PROSER1: variants seen among roughly 807,000 people sequenced by gnomAD.
PROSER1 encodes proline and serine-rich protein 1.
Under a neutral mutation model 71.8 loss-of-function variants are expected in PROSER1, and 36 were observed. The ratio of observed to expected loss-of-function variants is 0.50; its 90% CI spans 0.38 to 0.66. The LOEUF (loss-of-function observed/expected upper bound fraction) is 0.66, where lower values mean the gene tolerates loss of function less well. PROSER1 is among the 30% of genes least tolerant of loss of function. The probability of loss-of-function intolerance (pLI) is 0.00; values close to 1 mark genes in which losing one functional copy is unlikely to be tolerated. For synonymous variants in PROSER1, 490 were observed against 452.4 expected (o/e 1.08, Z -1.06); for missense variants, 1,107 against 1,135.0 (o/e 0.98, Z 0.35).
At chr13:39,024,300 C>A (rs1870439232) in intron 7 of PROSER1, among the ~76,000 whole-genome samples, 173 bp downstream of exon 7, 1 of 152,100 alleles carries the variant, frequency 6.6e-6, no homozygotes, top group African/African-American at 2.4e-5. Context: ...CTCAAAGGGG[C>A]TCTTACTACT....
At chr13:39,014,510 T>C (rs1869915917) in intron 10 of PROSER1, 34 bp from the exon 11 acceptor site, 1 of 1,485,114 alleles carries the variant, frequency 6.7e-7, no homozygotes, top group African/African-American at 1.4e-5. Flanking sequence ...CAAGAATGTA[T>C]CATCATGCTG....
At chr13:39,027,513 T>C (rs1023040988) in intron 5 of PROSER1, among the ~76,000 whole-genome samples, 5 of 152,156 alleles carry the variant, frequency 3.3e-5, no homozygotes, top group African/African-American at 7.2e-5. Flanking sequence ...AATATGCATG[T>C]TGCCTTAAAG....
intron 4 of PROSER1, 64 bp from the exon 5 acceptor site, chr13:39,028,384 C>G: frequency 1.2e-6 from 1 of 856,720 alleles, no homozygotes; most frequent in Non-Finnish European, 1.9e-6. Context: ...GGTAAGCAAC[C>G]TTTGTTTACC....
intron 1 of PROSER1, 25 bp from the exon 2 acceptor site, chr13:39,034,221 C>A (rs778985118): frequency 3.3e-6 from 5 of 1,526,572 alleles, no homozygotes; most frequent in African/African-American, 2.8e-5. Context: ...CACACACACA[C>A]AGAGTAAAAC....
intron 5 of PROSER1, among the ~76,000 whole-genome samples, chr13:39,026,824 C>G (rs532439332): frequency 3.9e-5 from 6 of 152,222 alleles, no homozygotes; most frequent in African/African-American, 1.2e-4. Flanking sequence ...AAACAAGTAA[C>G]ATGACATTGG....
At chr13:39,022,909 A>G in intron 8 of PROSER1, 143 bp downstream of exon 8, 1 of 620,206 alleles carries the variant, frequency 1.6e-6, no homozygotes, top group Non-Finnish European at 2.9e-6. Context: ...GGACACTACT[A>G]GCTAACTATG....
intron 3 of PROSER1, among the ~76,000 whole-genome samples, chr13:39,030,674 T>G (rs1048860428): frequency 6.6e-6 from 1 of 152,096 alleles, no homozygotes; most frequent in African/African-American, 2.4e-5. Flanking sequence ...GCGATTCTCC[T>G]ATCTCAGCCT....
chr13:39,012,802 G>T lies in PROSER1; in HGVS notation c.2450C>A (p.Ala817Asp). 6.2e-7 allele frequency: 1 copy of T among 1,614,208 alleles called. No individual in the cohort carries two copies. The highest frequency in any genetic ancestry group is 8.5e-7 in the Non-Finnish European group (1 of 1,180,032). Residue 817 changes from alanine to aspartate, a missense_variant, in exon 11 of 13, where the codon GCT becomes GAT. Coordinates refer to ENST00000352251, the MANE Select transcript of PROSER1 (RefSeq NM_025138.5). ...PGLQAPSTVA[A>D]VTPLPVAATA... ...GGCAGCCACAGGTAGTGGTGTGACA[G>T]CTGCGACTGTAGAGGGCGCCTGCAG... is the stretch of plus-strand genomic sequence containing the variant.
chr13:39,027,142 G>C (rs1315440171), intron 5 of PROSER1, among the ~76,000 whole-genome samples: 2 of 151,748 alleles, frequency 1.3e-5, no homozygotes, highest in African/African-American at 4.8e-5. Flanking sequence ...ATTATATATT[G>C]GTTTTATAAA....
In PROSER1 at chr13:39,011,503, G is replaced by GCACA; in HGVS notation, c.2713-17_2713-16insTGTG. ...CTGAATGGACCTGATGGAAAGAAGA[G>GCACA]CGTGTGGTTTAGCAGAGTGCCAAGT... On this transcript the variant is annotated splice_polypyrimidine_tract_variant and intron_variant, in intron 12 of 12. Coordinates refer to ENST00000352251, the MANE Select transcript of PROSER1 (RefSeq NM_025138.5). The GCACA allele has an allele frequency of 1.2e-6, 2 of 1,612,982 alleles. No individual in the cohort carries two copies. The highest frequency in any genetic ancestry group is 1.7e-6 in the Non-Finnish European group (2 of 1,179,862).
At chr13:39,026,162 G>T (rs1870535322) in intron 6 of PROSER1, 115 bp downstream of exon 6, 2 of 639,446 alleles carry the variant, frequency 3.1e-6, no homozygotes, top group Non-Finnish European at 5.5e-6. Flanking sequence ...TCAGTGGTGA[G>T]CCTGTGAATT....
intron 5 of PROSER1, among the ~76,000 whole-genome samples, chr13:39,027,172 T>C (rs1427084328): frequency 6.8e-6 from 1 of 147,572 alleles, no homozygotes; most frequent in African/African-American, 2.7e-5. Context: ...AACACATATA[T>C]GTATATTAGC....
intron 1 of PROSER1, 86 bp from the exon 2 acceptor site, chr13:39,034,282 C>A: frequency 1.9e-6 from 2 of 1,062,102 alleles, no homozygotes; most frequent in South Asian, 1.9e-5. Context: ...CAAAACTGCC[C>A]AAGCAACTCA....
intron 10 of PROSER1, among the ~76,000 whole-genome samples, chr13:39,016,530 G>C (rs1457122879): frequency 2.6e-5 from 4 of 152,170 alleles, no homozygotes; most frequent in Non-Finnish European, 4.4e-5. Flanking sequence ...GTACAACATA[G>C]GAAAACAATA....
At chr13:39,027,064 T>C (rs1005215351) in intron 5 of PROSER1, among the ~76,000 whole-genome samples, 1 of 151,394 alleles carries the variant, frequency 6.6e-6, no homozygotes, top group Non-Finnish European at 1.5e-5. Flanking sequence ...CTATATTATG[T>C]TATAGAAATA....
intron 11 of PROSER1, chr13:39,012,465 T>C (rs890907860): frequency 1.3e-5 from 8 of 639,616 alleles, no homozygotes; most frequent in Middle Eastern, 4.2e-4. Context: ...CTTTCTGCTG[T>C]CTTATAAATA....
chr13:39,022,657 T>C (rs374976917), intron 8 of PROSER1: 102 of 448,806 alleles, frequency 2.3e-4, no homozygotes, highest in East Asian at 1.4e-3. Flanking sequence ...GTTCAGTGAA[T>C]GGCATGGCAG....
intron 9 of PROSER1, among the ~76,000 whole-genome samples, chr13:39,018,491 C>CACAA (rs1555238989): frequency 9.1e-4 from 132 of 144,838 alleles, no homozygotes; most frequent in African/African-American, 3.3e-3. Flanking sequence ...CACACACACA[C>CACAA]ACACACACAC....
In PROSER1 at chr13:39,029,682, G is replaced by T. The variant is rs1001060976; in HGVS notation, c.181-307C>A. 6.6e-5 allele frequency among the ~76,000 whole-genome samples: 10 copies of T among 151,964 alleles called. No individual in the cohort carries two copies. In the South Asian group the frequency reaches 2.1e-3, roughly 32 times the overall value. On this transcript the variant is annotated intron_variant, in intron 3 of 12. Coordinates refer to ENST00000352251, the MANE Select transcript of PROSER1 (RefSeq NM_025138.5). ...CAGAAGTATTACTTTCCTCAGAAAGGTTATATAAAAAGGTGATACTCATAC... is the reference window on the plus strand; with the variant it reads ...CAGAAGTATTACTTTCCTCAGAAAGTTTATATAAAAAGGTGATACTCATAC...
Sources: allele counts gnomAD v4.1 joint callset (sites outside exome capture counted in the v4.1 genomes callset), GRCh38; gene constraint gnomAD v4.1.1; transcripts MANE v1.5; gene names NCBI Gene and HGNC (gene_info 2026-07-23, HGNC 2026-07-21).